The following FHIP1B variants were observed in gnomAD, a reference collection of about 807,000 sequenced individuals.
The protein encoded by FHIP1B is FHF complex subunit HOOK-interacting protein 1B.
A neutral mutation model predicts 82.2 loss-of-function variants in FHIP1B; 28 were observed. The ratio of observed to expected loss-of-function variants is 0.34; its 90% confidence interval spans 0.25 to 0.47. FHIP1B has a LOEUF of 0.47. FHIP1B is among the 20% of genes least tolerant of loss of function. The probability of loss-of-function intolerance (pLI) is 1.00; values close to 1 mark genes in which losing one functional copy is unlikely to be tolerated. For synonymous variants in FHIP1B, 585 were observed against 516.1 expected (o/e 1.13, Z -1.81); for missense variants, 1,110 against 1,262.6 (o/e 0.88, Z 1.83).
intron 1 of FHIP1B, among the ~76,000 whole-genome samples, chr11:6,231,498 G>A (rs1439332242): frequency 1.4e-5 from 2 of 139,374 alleles, no homozygotes; most frequent in Non-Finnish European, 3.1e-5. Flanking sequence ...TTCTTGAGGT[G>A]GGGCCTCTGT....
intron 6 of FHIP1B, among the ~76,000 whole-genome samples, chr11:6,221,635 C>T (rs866520891): frequency 1.3e-5 from 2 of 152,150 alleles, no homozygotes; most frequent in Admixed American, 6.6e-5. Flanking sequence ...GCTCTTCCCC[C>T]ATTTGATGTC....
chr11:6,218,988 C>A lies in FHIP1B; in HGVS notation c.1254G>T (p.Leu418=). ...ACAGATACCTGAGAACCAGCTGCAGCAGGACATCCTCACAGCTGAGGTTCA... is the reference window on the plus strand; with the variant it reads ...ACAGATACCTGAGAACCAGCTGCAGAAGGACATCCTCACAGCTGAGGTTCA... The part of the protein sequence containing the change: ...TLLNLSCEDV[L]LQLVLRYLVP... Residue 418 remains leucine, a synonymous_variant, in exon 7 of 12, where the codon CTG becomes CTT. Transcript: ENST00000449352. 6.2e-7 allele frequency: 1 copy of A among 1,614,008 alleles called. No homozygotes were observed. The highest frequency in any genetic ancestry group is 8.5e-7 in the Non-Finnish European group (1 of 1,179,936).
chr11:6,218,890 T>C, intron 7 of FHIP1B, 81 bp downstream of exon 7: 1 of 1,567,452 alleles, frequency 6.4e-7, no homozygotes, highest in Non-Finnish European at 8.8e-7. Flanking sequence ...GAGTAACCCC[T>C]ATATAGCCCA....
intron 1 of FHIP1B, among the ~76,000 whole-genome samples, chr11:6,231,611 C>G (rs1335173795): frequency 6.6e-6 from 1 of 151,678 alleles, no homozygotes; most frequent in African/African-American, 2.4e-5. Flanking sequence ...GCCAGGACCA[C>G]AAGTATGTGC....
At chr11:6,214,687 C>G in intron 10 of FHIP1B, 46 bp downstream of exon 10, 1 of 1,544,892 alleles carries the variant, frequency 6.5e-7, no homozygotes. Flanking sequence ...GCGGGCCTGG[C>G]CCACCACGGA....
Position 6,223,498 on chromosome 11 carries a change from G to C in FHIP1B, c.777+112C>G. 1 of 1,380,756 alleles carries C rather than the reference G, an allele frequency of 7.2e-7. No homozygotes were observed. Among genetic ancestry groups the C allele is most frequent in the Non-Finnish European group, 9.9e-7 (1 of 1,013,906 alleles). 85.5% of individuals were successfully genotyped at this position (1,380,756 alleles called of 1,614,324 possible). A position where few individuals can be genotyped will look rare whatever the true frequency, so the allele number is the denominator to read the frequency against. On this transcript the variant is annotated intron_variant, in intron 3 of 11. Transcript: ENST00000449352. This position sits in a 1 kb window ranked among gnomAD's most constrained non-coding sequence, Gnocchi z 4.8. Reference sequence around the variant, plus strand: ...GGGGCTGCTTTCAAATCCAGGAACTGTTTCCTAGGGGAACGGGCCCTGGAA... The same window carrying C: ...GGGGCTGCTTTCAAATCCAGGAACTCTTTCCTAGGGGAACGGGCCCTGGAA...
At chr11:6,225,827 A>G (rs1847549482) in intron 1 of FHIP1B, among the ~76,000 whole-genome samples, 2 of 152,340 alleles carry the variant, frequency 1.3e-5, no homozygotes, top group South Asian at 2.1e-4. Context: ...AAGAATTCAG[A>G]GCCAACCAAT....
rs369707658 is a variant in FHIP1B at position 6,211,470 on chromosome 11, G to A, written c.*36C>T. On this transcript the variant is annotated 3_prime_UTR_variant, in exon 12 of 12. Transcript: ENST00000449352. ...GGAGCCTGTGCCCTAGCCCCAGCCC[G>A]GGCCACCCATGGCCCTGATTGTCCA... 102 of 1,530,096 alleles carry A rather than the reference G, an allele frequency of 6.7e-5. No individual in the cohort carries two copies. Among genetic ancestry groups the A allele is most frequent in the South Asian group, 4.5e-4 (34 of 76,156 alleles). The allele number at this position is 1,530,096 out of a possible 1,614,324, so 94.8% of individuals were successfully genotyped here. A position where few individuals can be genotyped will look rare whatever the true frequency, so the allele number is the denominator to read the frequency against.
chr11:6,211,408 TAAA>T lies in FHIP1B; in HGVS notation c.*95_*97del. 2.1e-6 allele frequency: 3 copies of T among 1,415,490 alleles called. No homozygotes were observed. Among genetic ancestry groups the T allele is most frequent in the Middle Eastern group, 4.6e-4 (2 of 4,382 alleles). 87.7% of individuals were successfully genotyped at this position (1,415,490 alleles called of 1,614,324 possible). ...CATAAAACATTCATCTGAAATAAATTAAAAAGTCCTTTTGCCACTGCCTCCAAA... is the reference window on the plus strand; with the variant it reads ...CATAAAACATTCATCTGAAATAAATTAAGTCCTTTTGCCACTGCCTCCAAA... On this transcript the variant is annotated 3_prime_UTR_variant, in exon 12 of 12. Coordinates refer to ENST00000449352, the MANE Select transcript of FHIP1B (RefSeq NM_001098794.2).
At chr11:6,217,016 A>G (rs1847246635) in intron 9 of FHIP1B, 2 of 684,520 alleles carry the variant, frequency 2.9e-6, no homozygotes, top group Non-Finnish European at 5.3e-6. Context: ...CGTCTTCAAT[A>G]TGGTTCAGAA....
intron 1 of FHIP1B, among the ~76,000 whole-genome samples, chr11:6,231,613 A>G (rs1448009474): frequency 2.0e-5 from 3 of 151,620 alleles, no homozygotes; most frequent in Non-Finnish European, 4.4e-5. Flanking sequence ...CAGGACCACA[A>G]GTATGTGCAA....
rs977552196 is a variant in FHIP1B, at chr11:6,211,875, T to C, written c.2558-8A>G. On this transcript the variant is annotated splice_region_variant and splice_polypyrimidine_tract_variant and intron_variant, in intron 11 of 11. Transcript: ENST00000449352. The stretch of plus-strand genomic sequence containing the variant: ...ATGGCCTCCGGCTCTTCACTGGGAA[T>C]AAACAGGGGTATCATGAAGGTGCTG... 1 of 1,542,898 alleles carries C rather than the reference T, an allele frequency of 6.5e-7. No homozygotes were observed. The highest frequency in any genetic ancestry group is 8.7e-7 in the Non-Finnish European group (1 of 1,149,760).
chr11:6,222,356 G>A (rs1456647933), intron 6 of FHIP1B, 86 bp downstream of exon 6: 4 of 1,448,734 alleles, frequency 2.8e-6, no homozygotes, highest in Admixed American at 1.8e-5. Flanking sequence ...ACAGGCAAAA[G>A]AAGGGCAGGA....
Position 6,222,571 on chromosome 11 carries a change from C to T in FHIP1B, c.1062G>A (p.Leu354=). The part of the protein sequence containing the change: ...VEEMIASTAY[L]ELFLRSISEP... ...CTGAGATACTCCGTAGGAAAAGTTC[C>T]AGATAGGCGGTACTGGCGATCATCT... Residue 354 remains leucine (L), a synonymous_variant, in exon 6 of 12, where the codon CTG becomes CTA. Coordinates refer to ENST00000449352, the MANE Select transcript of FHIP1B (RefSeq NM_001098794.2). 1 of 1,614,112 alleles carries T rather than the reference C, an allele frequency of 6.2e-7. No individual in the cohort carries two copies. The highest frequency in any genetic ancestry group is 1.1e-5 in the South Asian group (1 of 91,072).
At position 6,223,154 on chromosome 11, in the gene FHIP1B, G is replaced by A. The variant is rs755128997; in HGVS notation, c.862C>T (p.Arg288Trp). The change falls in exon 4 of 12, where the codon CGG becomes TGG. Residue 288 changes from arginine (R) to tryptophan (W), a missense_variant. Transcript: ENST00000449352. This position sits in a 1 kb window ranked among gnomAD's most constrained non-coding sequence, Gnocchi z 4.8. ...GCTGGCACTCCCAGCCAGTCTTCCC[G>A]TCGCAGACAGTGCCAATCATCCCCT... The part of the protein sequence containing the change: ...VPGDDWHCLR[R>W]EDWLGVPALA... 49 of 1,608,534 alleles carry A rather than the reference G, an allele frequency of 3.0e-5. No homozygotes were observed. The highest frequency in any genetic ancestry group is 1.7e-4 in the Middle Eastern group (1 of 6,026).
At position 6,217,953 on chromosome 11, in the gene FHIP1B, C is replaced by G; in HGVS notation, c.1633G>C (p.Gly545Arg). ...GRRPTPAEEP[G>R]ELEDNYLEYL... ...TCCAGGTAATTGTCTTCCAGCTCTC[C>G]AGGCTCCTCTGCAGGGGTAGGCCGT... The change falls in exon 9 of 12, where the codon GGA becomes CGA. Residue 545 changes from glycine (G) to arginine (R), a missense_variant. By Grantham distance (125) the Gly-to-Arg change is moderately radical. Transcript: ENST00000449352. 6.2e-7 allele frequency: 1 copy of G among 1,613,102 alleles called. No individual in the cohort carries two copies.
chr11:6,229,616 C>A (rs1847646573), intron 1 of FHIP1B, among the ~76,000 whole-genome samples: 1 of 152,214 alleles, frequency 6.6e-6, no homozygotes, highest in African/African-American at 2.4e-5. Context: ...CAAACATTAA[C>A]TGCTCCTACC....
intron 1 of FHIP1B, among the ~76,000 whole-genome samples, chr11:6,232,179 A>T (rs1157504190): frequency 1.3e-5 from 2 of 152,230 alleles, no homozygotes; most frequent in African/African-American, 4.8e-5. Flanking sequence ...TTAATGCACT[A>T]CTATTTCAAC....
Position 6,217,521 on chromosome 11 carries a change from C to G in FHIP1B, c.2065G>C (p.Gly689Arg), listed in dbSNP as rs764741733. ...RELEVALSNG[G>R]TGSESPLEPP... ...TCTAAGGGGGACTCTGAGCCAGTTC[C>G]CCCATTGCTCAATGCCACCTCTAGC... Residue 689 changes from glycine to arginine, a missense_variant, in exon 9 of 12, where the codon GGA (glycine) becomes CGA (arginine). Physicochemically the swap from Gly to Arg is moderately radical, Grantham distance 125 (BLOSUM62 -2). Transcript: ENST00000449352. 6.2e-7 allele frequency: 1 copy of G among 1,611,494 alleles called. No individual in the cohort carries two copies. Among genetic ancestry groups the G allele is most frequent in the South Asian group, 1.1e-5 (1 of 90,832 alleles).
Sources: gnomAD v4.1 joint callset for allele counts (sites outside exome capture counted in the v4.1 genomes callset) on GRCh38, gnomAD v4.1.1 for gene constraint, Gnocchi (gnomAD v3.1) non-coding constraint, MANE v1.5 for transcripts, NCBI Gene and HGNC (gene_info 2026-07-23, HGNC 2026-07-21) for gene names.